The following DGKE variants were observed in gnomAD, a reference collection of about 807,000 sequenced individuals.
The protein encoded by DGKE is DAG kinase epsilon.
DGKE carries 53 observed loss-of-function variants against 70.0 expected under a neutral mutation model. That is an observed-to-expected ratio of 0.76 (90% confidence interval 0.61 to 0.95). DGKE has a LOEUF of 0.95. Among genes scored for constraint, DGKE ranks in the 40% least tolerant of loss-of-function variants. The pLI is 0.00. For synonymous variants in DGKE, 291 were observed against 257.0 expected, an observed-to-expected ratio of 1.13 and a Z score of -1.27; for missense variants, 655 against 706.9, an observed-to-expected ratio of 0.93 and a Z score of 0.83.
chr17:56,850,492 A>C (rs140081210), intron 7 of DGKE, among the ~76,000 whole-genome samples: 4 of 152,354 alleles, frequency 2.6e-5, no homozygotes, highest in South Asian at 2.1e-4. Flanking sequence ...AGGCCACTAA[A>C]GGAGACTAAA....
intron 7 of DGKE, 54 bp downstream of exon 7, chr17:56,849,286 C>T (rs758760484): frequency 2.6e-5 from 39 of 1,511,054 alleles, no homozygotes; most frequent in African/African-American, 1.5e-4. Flanking sequence ...GCACAAGATA[C>T]GGCACTCTGT....
intron 2 of DGKE, among the ~76,000 whole-genome samples, chr17:56,837,553 A>G (rs973621133): frequency 6.6e-6 from 1 of 152,224 alleles, no homozygotes; most frequent in Non-Finnish European, 1.5e-5. Flanking sequence ...AGTTGTACAT[A>G]TTCTACAGTG....
chr17:56,851,918 A>G (rs1180530010), intron 7 of DGKE, among the ~76,000 whole-genome samples: 1 of 152,172 alleles, frequency 6.6e-6, no homozygotes, highest in Non-Finnish European at 1.5e-5. Context: ...CAAAAAGCAA[A>G]GGAACTGGAC....
chr17:56,839,050 C>T (rs750036087), intron 2 of DGKE, among the ~76,000 whole-genome samples: 2 of 151,952 alleles, frequency 1.3e-5, no homozygotes, highest in Non-Finnish European at 2.9e-5. Flanking sequence ...GTAGGCATAC[C>T]TGTAAAAAAT....
At chr17:56,843,137 C>A (rs1001854841) in intron 2 of DGKE, among the ~76,000 whole-genome samples, 1 of 152,088 alleles carries the variant, frequency 6.6e-6, no homozygotes, top group Non-Finnish European at 1.5e-5. Flanking sequence ...AGCCAAAGCA[C>A]AAATATATAT....
Position 56,848,794 on chromosome 17 carries a change from A to G in DGKE, c.987A>G (p.Glu329=). Residue 329 remains glutamate, a synonymous_variant, in exon 6 of 12, where the codon GAA becomes GAG. Transcript: ENST00000284061. ...GTTGGGGTACAGGTTATGCTGGAGA[A>G]ATTCCAGTTGCGCAGGTTTTGCGAA... is the stretch of plus-strand genomic sequence containing the variant. ...TLGWGTGYAG[E]IPVAQVLRNV... 1 of 1,614,192 alleles carries G rather than the reference A, an allele frequency of 6.2e-7. No individual in the cohort carries two copies. Among genetic ancestry groups the G allele is most frequent in the Non-Finnish European group, 8.5e-7 (1 of 1,180,024 alleles).
intron 11 of DGKE, 116 bp from the exon 12 acceptor site, chr17:56,862,496 T>C (rs1908355557): frequency 4.9e-6 from 5 of 1,013,820 alleles, no homozygotes; most frequent in Non-Finnish European, 5.5e-6. Context: ...TTCAGATTAA[T>C]ATTTTCTAAA....
At position 56,862,818 on chromosome 17, in the gene DGKE, T is replaced by G. The variant is rs1296496348; in HGVS notation, c.*27T>G. ...TGGATGAGGGAGTGAAAACTTTGCATAGAATCCTCACGCAAGTAGATACAT... is the reference window on the plus strand; with the variant it reads ...TGGATGAGGGAGTGAAAACTTTGCAGAGAATCCTCACGCAAGTAGATACAT... On this transcript the variant is annotated 3_prime_UTR_variant, in exon 12 of 12. Transcript: ENST00000284061. The G allele has an allele frequency of 1.3e-6, 2 of 1,491,470 alleles. No homozygotes were observed. The highest frequency in any genetic ancestry group is 2.4e-5 in the East Asian group (1 of 40,936). The allele number at this position is 1,491,470 out of a possible 1,614,324, so 92.4% of individuals were successfully genotyped here. A position where few individuals can be genotyped will look rare whatever the true frequency, so the allele number is the denominator to read the frequency against.
chr17:56,836,294 T>G (rs1460155609), intron 2 of DGKE: 1 of 152,228 alleles, frequency 6.6e-6, no homozygotes, highest in Non-Finnish European at 1.5e-5. Flanking sequence ...TTTAAATAAT[T>G]TTACACATTA....
At chr17:56,844,514 T>G (rs1229642994) in intron 3 of DGKE, among the ~76,000 whole-genome samples, 1 of 152,192 alleles carries the variant, frequency 6.6e-6, no homozygotes, top group East Asian at 1.9e-4. Context: ...GTACCTTCAT[T>G]GCCATATTTG....
rs1906546262 is a variant in DGKE at position 56,835,387 on chromosome 17, AATAAACATCCCTG to A, written c.464+130_464+142del. 3 of 972,476 alleles carry A rather than the reference AATAAACATCCCTG, an allele frequency of 3.1e-6. No homozygotes were observed. The African/African-American group carries it at 4.9e-5, about 16-fold the overall frequency. 60.2% of individuals were successfully genotyped at this position (972,476 alleles called of 1,614,324 possible). A position where few individuals can be genotyped will look rare whatever the true frequency, so the allele number is the denominator to read the frequency against. On this transcript the variant is annotated intron_variant, in intron 2 of 11. Coordinates refer to ENST00000284061, the MANE Select transcript of DGKE (RefSeq NM_003647.3). ...CTCATTTTGAGGAAACAAGCTAATAAATAAACATCCCTGAGTTTGTGCAAGCGTGGCAGCTTTG... is the reference window on the plus strand; with the variant it reads ...CTCATTTTGAGGAAACAAGCTAATAAAGTTTGTGCAAGCGTGGCAGCTTTG...
intron 4 of DGKE, chr17:56,846,111 C>A (rs573075255): frequency 1.2e-4 from 22 of 186,486 alleles, no homozygotes; most frequent in African/African-American, 4.0e-4. Flanking sequence ...CAAACATTTG[C>A]ATGAAAATGT....
intron 4 of DGKE, 80 bp from the exon 5 acceptor site, chr17:56,847,842 A>G: frequency 5.8e-6 from 6 of 1,041,418 alleles, no homozygotes; most frequent in South Asian, 2.2e-5. Flanking sequence ...CTGTATCTCT[A>G]CTCATCTAGA....
chr17:56,836,971 C>A (rs1906664002), intron 2 of DGKE, among the ~76,000 whole-genome samples: 1 of 152,166 alleles, frequency 6.6e-6, no homozygotes, highest in African/African-American at 2.4e-5. Context: ...GGAACTCTTA[C>A]CTGATCTACT....
Position 56,869,081 on chromosome 17 carries a change from G to T in DGKE, c.*6290G>T, listed in dbSNP as rs1908646675. The T allele has an allele frequency of 6.6e-6, 1 of 152,022 alleles. No individual in the cohort carries two copies. The highest frequency in any genetic ancestry group is 2.4e-5 in the African/African-American group (1 of 41,390). 9.4% of individuals were successfully genotyped at this position (152,022 alleles called of 1,614,324 possible). A position where few individuals can be genotyped will look rare whatever the true frequency, so the allele number is the denominator to read the frequency against. ...CCTGAGCCTCAAATTTTCTTTCTCT[G>T]TAAGAATGGGAATTAATGCCCACCT... On this transcript the variant is annotated 3_prime_UTR_variant, in exon 12 of 12. Coordinates refer to ENST00000284061, the MANE Select transcript of DGKE (RefSeq NM_003647.3).
rs1906517647 is a variant in DGKE at position 56,835,137 on chromosome 17, G to A, written c.342G>A (p.Lys114=). 1 of 1,614,048 alleles carries A rather than the reference G, an allele frequency of 6.2e-7. No individual in the cohort carries two copies. The highest frequency in any genetic ancestry group is 1.1e-5 in the South Asian group (1 of 91,086). Residue 114 remains lysine (K), a synonymous_variant, in exon 2 of 12, where the codon AAG becomes AAA. Transcript: ENST00000284061. The part of the protein sequence containing the change: ...KRFQCKEIML[K]NDTKVLDAMP... Reference sequence around the variant, plus strand: ...TCCAGTGCAAGGAGATTATGCTCAAGAATGACACCAAGGTCCTGGACGCCA... The same window carrying A: ...TCCAGTGCAAGGAGATTATGCTCAAAAATGACACCAAGGTCCTGGACGCCA...
intron 3 of DGKE, 47 bp downstream of exon 3, chr17:56,844,225 C>T (rs1907156361): frequency 3.1e-6 from 4 of 1,300,336 alleles, no homozygotes; most frequent in South Asian, 1.7e-5. Context: ...TAAAAAGCTG[C>T]TTAACTCATT....
chr17:56,844,562 T>A (rs554651670), intron 3 of DGKE, among the ~76,000 whole-genome samples: 2 of 152,316 alleles, frequency 1.3e-5, no homozygotes, highest in East Asian at 3.9e-4. Flanking sequence ...AATTCATCTT[T>A]TTTTTTAAGG....
intron 7 of DGKE, among the ~76,000 whole-genome samples, chr17:56,851,250 C>G (rs1364381001): frequency 6.6e-6 from 1 of 152,114 alleles, no homozygotes; most frequent in African/African-American, 2.4e-5. Context: ...TCCCCTAGAT[C>G]ACTTCCCCTT....
Sources: gnomAD v4.1 joint callset for allele counts (sites outside exome capture counted in the v4.1 genomes callset) on GRCh38, gnomAD v4.1.1 for gene constraint, MANE v1.5 for transcripts, NCBI Gene and HGNC (gene_info 2026-07-23, HGNC 2026-07-21) for gene names.